Variants in NCAM2 observed in about 807,000 individuals in gnomAD.
NCAM2 encodes the protein neural cell adhesion molecule 2, also known as N-CAM-2.
Under a neutral mutation model 98.1 loss-of-function variants are expected in NCAM2, and 30 were observed. That is an observed-to-expected ratio of 0.31 (90% CI 0.23 to 0.41). The LOEUF is 0.41. NCAM2 is among the 10% of genes least tolerant of loss of function. The probability of loss-of-function intolerance (pLI) is 1.00; values close to 1 mark genes in which losing one functional copy is unlikely to be tolerated. For missense variants in NCAM2, 867 were observed against 1,005.8 expected (o/e 0.86, Z 1.87); for synonymous variants, 368 against 342.4 (o/e 1.07, Z -0.83).
At chr21:21,475,961 C>T (rs1341834810) in intron 14 of NCAM2, among the ~76,000 whole-genome samples, 1 of 152,140 alleles carries the variant, frequency 6.6e-6, no homozygotes, top group Non-Finnish European at 1.5e-5. Flanking sequence ...ACAATGTCTT[C>T]TTGCCTCCTT....
chr21:21,179,326 A>G (rs2068394946), intron 1 of NCAM2, among the ~76,000 whole-genome samples: 1 of 152,026 alleles, frequency 6.6e-6, no homozygotes, highest in African/African-American at 2.4e-5. Context: ...ATATTTTCTG[A>G]TAGTCTACTT....
In NCAM2 at chr21:21,468,782, G is replaced by T; in HGVS notation, c.1895G>T (p.Ser632Ile). ...TTGGAATACATTGTGAAATATAGAAGTGTAAGTACCTTGTTTATTGTCATA... is the reference window on the plus strand; with the variant it reads ...TTGGAATACATTGTGAAATATAGAATTGTAAGTACCTTGTTTATTGTCATA... ...PILEYIVKYR[S>I]KDKEDQWLEK... is the part of the protein sequence containing the mutation. The change falls in exon 14 of 18, where the codon AGT (serine) becomes ATT (isoleucine). Residue 632 changes from serine to isoleucine, a missense_variant and splice_region_variant. Coordinates refer to ENST00000400546, the MANE Select transcript of NCAM2 (RefSeq NM_004540.5). 6.2e-7 allele frequency: 1 copy of T among 1,609,476 alleles called. No homozygotes were observed. The highest frequency in any genetic ancestry group is 8.5e-7 in the Non-Finnish European group (1 of 1,177,316).
chr21:21,232,214 G>A (rs2070656834), intron 1 of NCAM2, among the ~76,000 whole-genome samples: 1 of 151,358 alleles, frequency 6.6e-6, no homozygotes, highest in East Asian at 1.9e-4. Context: ...ATTTTTACCA[G>A]TTATGCATGT....
Position 21,049,240 on chromosome 21 carries a change from C to T in NCAM2, c.55+50622C>T, listed in dbSNP as rs1049343710. Among the ~76,000 whole-genome samples the T allele has an allele frequency of 6.1e-5, 9 of 147,470 alleles. No homozygotes were observed. The East Asian group carries it at 1.0e-3, about 17-fold the overall frequency. ...TTCACCTTGTTAGCCAGGATAGTCT[C>T]GATCTCCTGACCTCATGATCCACCC... On this transcript the variant is annotated intron_variant, in intron 1 of 17. Coordinates refer to ENST00000400546, the MANE Select transcript of NCAM2 (RefSeq NM_004540.5).
At chr21:21,252,955 G>C (rs1232170068) in intron 1 of NCAM2, among the ~76,000 whole-genome samples, 1 of 152,070 alleles carries the variant, frequency 6.6e-6, no homozygotes, top group Non-Finnish European at 1.5e-5. Flanking sequence ...ACTCCAGATT[G>C]TCAAATCTCC....
chr21:21,224,041 C>T (rs534521589), intron 1 of NCAM2, among the ~76,000 whole-genome samples: 92 of 152,202 alleles, frequency 6.0e-4, no homozygotes, highest in African/African-American at 2.2e-3. Flanking sequence ...ATTATCATTG[C>T]GGAGCTCAGA....
At chr21:21,215,757 CGT>C (rs1424510297) in intron 1 of NCAM2, among the ~76,000 whole-genome samples, 2 of 150,812 alleles carry the variant, frequency 1.3e-5, no homozygotes, top group Non-Finnish European at 1.5e-5. Context: ...ACAGAGTAAA[CGT>C]GTGTGTGTGT....
intron 15 of NCAM2, among the ~76,000 whole-genome samples, chr21:21,504,395 A>G (rs1569125079): frequency 1.3e-5 from 2 of 151,482 alleles, no homozygotes; most frequent in African/African-American, 4.8e-5. Context: ...TAAAAAATGG[A>G]TTTACAATTA....
At chr21:21,366,668 C>T (rs894018875) in intron 8 of NCAM2, among the ~76,000 whole-genome samples, 1 of 151,990 alleles carries the variant, frequency 6.6e-6, no homozygotes, top group Non-Finnish European at 1.5e-5. Flanking sequence ...CAGGGAAAAT[C>T]CCATCTGGGG....
intron 1 of NCAM2, among the ~76,000 whole-genome samples, chr21:21,010,810 C>T (rs972096908): frequency 2.0e-5 from 3 of 152,044 alleles, no homozygotes; most frequent in African/African-American, 4.8e-5. Flanking sequence ...AGTGTCATTA[C>T]TAATTAGAAC....
At chr21:21,424,125 T>C (rs2077167287) in intron 11 of NCAM2, among the ~76,000 whole-genome samples, 1 of 152,214 alleles carries the variant, frequency 6.6e-6, no homozygotes, top group African/African-American at 2.4e-5. Context: ...TACATCTTGA[T>C]TTTTCAAAGA....
intron 1 of NCAM2, among the ~76,000 whole-genome samples, chr21:21,233,755 C>T (rs2070717248): frequency 6.6e-6 from 1 of 151,564 alleles, no homozygotes; most frequent in Non-Finnish European, 1.5e-5. Context: ...AATTCAATAA[C>T]GTGTTTCCCC....
intron 1 of NCAM2, among the ~76,000 whole-genome samples, chr21:21,053,985 G>A (rs1227054172): frequency 6.7e-6 from 1 of 148,928 alleles, no homozygotes; most frequent in African/African-American, 2.5e-5. Context: ...AATTTGGTAT[G>A]TGTTATGATT....
At chr21:21,154,738 G>A (rs963279559) in intron 1 of NCAM2, among the ~76,000 whole-genome samples, 2 of 151,796 alleles carry the variant, frequency 1.3e-5, no homozygotes, top group Admixed American at 1.3e-4. Context: ...CTAAATATTT[G>A]TGTGTATGTT....
chr21:21,407,933 G>T (rs1196648310), intron 9 of NCAM2, among the ~76,000 whole-genome samples: 1 of 152,136 alleles, frequency 6.6e-6, no homozygotes, highest in Non-Finnish European at 1.5e-5. Flanking sequence ...TGTGTTCTTA[G>T]ATTCTTCATG....
At chr21:21,478,126 T>A (rs1985400292) in intron 15 of NCAM2, among the ~76,000 whole-genome samples, 1 of 152,170 alleles carries the variant, frequency 6.6e-6, no homozygotes, top group African/African-American at 2.4e-5. Flanking sequence ...TTAAAACTTT[T>A]ATTCAGATAA....
At chr21:21,372,846 T>C (rs2075950666) in intron 8 of NCAM2, among the ~76,000 whole-genome samples, 1 of 151,744 alleles carries the variant, frequency 6.6e-6, no homozygotes, top group South Asian at 2.1e-4. Context: ...ACACCAATAG[T>C]TTTTCACAAG....
At chr21:21,407,305 T>C (rs2076761211) in intron 9 of NCAM2, among the ~76,000 whole-genome samples, 1 of 152,244 alleles carries the variant, frequency 6.6e-6, no homozygotes, top group Non-Finnish European at 1.5e-5. Context: ...AGACCGGCGT[T>C]ATCAATATTT....
chr21:21,121,048 T>C (rs2066664764), intron 1 of NCAM2, among the ~76,000 whole-genome samples: 1 of 152,212 alleles, frequency 6.6e-6, no homozygotes, highest in Non-Finnish European at 1.5e-5. Context: ...CAAATGTCTT[T>C]ACTGAGTTTA....
Sources: allele counts gnomAD v4.1 joint callset (sites outside exome capture counted in the v4.1 genomes callset), GRCh38; gene constraint gnomAD v4.1.1; transcripts MANE v1.5; gene names NCBI Gene and HGNC (gene_info 2026-07-23, HGNC 2026-07-21).